The following PKIA variants were observed in gnomAD, a reference collection of about 807,000 sequenced individuals.
The protein encoded by PKIA is PKI-alpha.
Under a neutral mutation model 7.6 loss-of-function variants are expected in PKIA, and 4 were observed. That is an observed-to-expected ratio of 0.52 (90% confidence interval 0.26 to 1.20). The LOEUF is 1.20. Ranked by LOEUF, PKIA falls within the 50% of genes most tolerant of loss-of-function variation. The pLI is 0.13. For missense variants in PKIA, 73 were observed against 86.2 expected (o/e 0.85, Z 0.61); for synonymous variants, 21 against 30.7 (o/e 0.68, Z 1.04).
intron 2 of PKIA, among the ~76,000 whole-genome samples, chr8:78,575,088 C>A (rs934650032): frequency 6.6e-6 from 1 of 151,736 alleles, no homozygotes; most frequent in Non-Finnish European, 1.5e-5. Context: ...CTTCGGTAAC[C>A]GGGAAATTTT....
chr8:78,552,718 T>A (rs1807014782), intron 1 of PKIA, among the ~76,000 whole-genome samples: 1 of 151,992 alleles, frequency 6.6e-6, no homozygotes, highest in Admixed American at 6.6e-5. Flanking sequence ...AATGAGTATT[T>A]TAACCTAAGA....
rs564522098 is a variant in PKIA at position 78,524,724 on chromosome 8, T to C, written c.-157+8256T>C. On this transcript the variant is annotated intron_variant, in intron 1 of 3. Coordinates refer to ENST00000396418, the MANE Select transcript of PKIA (RefSeq NM_006823.4). ...AAAGCAAAGCATGAAAAAGTAGCAT[T>C]TGATATATTTTATCAATGTTAAGAT... Among the ~76,000 whole-genome samples, 147 of 151,952 alleles carry C rather than the reference T, an allele frequency of 9.7e-4. 2 individuals are homozygous for C. Among genetic ancestry groups the C allele is most frequent in the Admixed American group, 7.2e-4 (11 of 15,202 alleles).
chr8:78,591,602 T>G (rs1434168537), intron 2 of PKIA, among the ~76,000 whole-genome samples: 1 of 152,188 alleles, frequency 6.6e-6, no homozygotes, highest in Non-Finnish European at 1.5e-5. Context: ...AGATTTATGC[T>G]TTAAAATTTA....
At chr8:78,556,991 C>G (rs1292076720) in intron 1 of PKIA, among the ~76,000 whole-genome samples, 1 of 151,998 alleles carries the variant, frequency 6.6e-6, no homozygotes, top group Non-Finnish European at 1.5e-5. Context: ...CTAATTGACT[C>G]TCACTATTTT....
intron 1 of PKIA, among the ~76,000 whole-genome samples, chr8:78,538,565 C>T (rs899737260): frequency 6.6e-6 from 1 of 151,986 alleles, no homozygotes; most frequent in African/African-American, 2.4e-5. Context: ...CCATATTAAG[C>T]TTCTAATACT....
intron 1 of PKIA, among the ~76,000 whole-genome samples, chr8:78,553,026 ATTT>A (rs1389054091): frequency 6.7e-6 from 1 of 149,820 alleles, no homozygotes; most frequent in Non-Finnish European, 1.5e-5. Context: ...CTGTACTTTT[ATTT>A]TTTAAATTTG....
intron 1 of PKIA, among the ~76,000 whole-genome samples, chr8:78,555,145 T>C (rs1389850298): frequency 6.6e-6 from 1 of 152,040 alleles, no homozygotes; most frequent in Non-Finnish European, 1.5e-5. Context: ...GAGACTTCTC[T>C]TCTAACTAAT....
At chr8:78,520,533 G>C (rs993314067) in intron 1 of PKIA, among the ~76,000 whole-genome samples, 12 of 152,168 alleles carry the variant, frequency 7.9e-5, no homozygotes, top group African/African-American at 2.4e-4. Flanking sequence ...GAGGCTCAGA[G>C]ATGTCACCTG....
intron 3 of PKIA, among the ~76,000 whole-genome samples, chr8:78,600,303 T>C (rs1270577589): frequency 2.0e-5 from 3 of 149,668 alleles, no homozygotes; most frequent in Non-Finnish European, 4.4e-5. Context: ...TTTTTTGTAA[T>C]TCGTAAATGT....
chr8:78,602,487 AAC>A lies in PKIA; in HGVS notation c.*670_*671del, dbSNP rs1010857093. On this transcript the variant is annotated 3_prime_UTR_variant, in exon 4 of 4. Coordinates refer to ENST00000396418, the MANE Select transcript of PKIA (RefSeq NM_006823.4). The stretch of plus-strand genomic sequence containing the variant: ...CACAGGATAGAACACCCTTTTTTAA[AAC>A]ACAGTCTTTCCCCTTGCTCATTGTA... 1.3e-5 allele frequency: 2 copies of A among 152,270 alleles called. No homozygotes were observed. The highest frequency in any genetic ancestry group is 6.6e-5 in the Admixed American group (1 of 15,200). 9.4% of individuals were successfully genotyped at this position (152,270 alleles called of 1,614,324 possible). A position where few individuals can be genotyped will look rare whatever the true frequency, so the allele number is the denominator to read the frequency against.
At chr8:78,556,518 T>A (rs1807142262) in intron 1 of PKIA, 1 of 152,104 alleles carries the variant, frequency 6.6e-6, no homozygotes, top group Admixed American at 6.5e-5. Flanking sequence ...GCAAGTCAGC[T>A]CCTCGATTTG....
At chr8:78,576,861 A>G (rs749447635) in intron 2 of PKIA, among the ~76,000 whole-genome samples, 20 of 152,082 alleles carry the variant, frequency 1.3e-4, no homozygotes, top group Non-Finnish European at 2.6e-4. Context: ...AAATCATTCT[A>G]TTATAAAGAC....
chr8:78,553,554 C>G (rs546594667), intron 1 of PKIA, among the ~76,000 whole-genome samples: 1 of 151,924 alleles, frequency 6.6e-6, no homozygotes, highest in African/African-American at 2.4e-5. Flanking sequence ...GGCCTATTTA[C>G]CAACACTGTT....
intron 1 of PKIA, among the ~76,000 whole-genome samples, chr8:78,561,443 G>T (rs1322120600): frequency 2.7e-5 from 4 of 149,304 alleles, no homozygotes; most frequent in Admixed American, 2.7e-4. Flanking sequence ...ACTGCTCTAG[G>T]CTAGGCCAAG....
chr8:78,589,949 A>G (rs1808054557), intron 2 of PKIA, among the ~76,000 whole-genome samples: 3 of 152,196 alleles, frequency 2.0e-5, no homozygotes, highest in Non-Finnish European at 4.4e-5. Flanking sequence ...TACTTGAACG[A>G]ACAAGTGACA....
intron 3 of PKIA, among the ~76,000 whole-genome samples, chr8:78,599,491 T>C (rs984129580): frequency 2.9e-4 from 44 of 152,204 alleles, no homozygotes; most frequent in African/African-American, 9.9e-4. Flanking sequence ...CAACATTACT[T>C]TAAAATATAT....
chr8:78,591,035 A>C (rs537200468), intron 2 of PKIA, among the ~76,000 whole-genome samples: 2 of 152,330 alleles, frequency 1.3e-5, no homozygotes, highest in African/African-American at 2.4e-5. Context: ...TTCTTACTTA[A>C]AAGGAATCAT....
intron 1 of PKIA, among the ~76,000 whole-genome samples, chr8:78,559,275 A>G (rs1807227474): frequency 6.6e-6 from 1 of 152,172 alleles, no homozygotes; most frequent in South Asian, 2.1e-4. Flanking sequence ...GACTCTAGGA[A>G]GTAGCTAAGG....
intron 2 of PKIA, among the ~76,000 whole-genome samples, chr8:78,595,493 A>G (rs1030739483): frequency 2.6e-5 from 4 of 152,196 alleles, no homozygotes; most frequent in African/African-American, 9.6e-5. Flanking sequence ...TTACATGAAT[A>G]AATTGCATAT....
Sources: allele counts gnomAD v4.1 joint callset (sites outside exome capture counted in the v4.1 genomes callset), GRCh38; gene constraint gnomAD v4.1.1; transcripts MANE v1.5; gene names NCBI Gene and HGNC (gene_info 2026-07-23, HGNC 2026-07-21).